Variants in CACNA1E observed in about 807,000 individuals in gnomAD.
The protein encoded by CACNA1E is calcium voltage-gated channel subunit alpha1 E.
Under a neutral mutation model 259.2 loss-of-function variants are expected in CACNA1E, and 40 were observed. The observed-to-expected ratio is 0.15, with a 90% CI of 0.12 to 0.20. CACNA1E has a LOEUF of 0.20. Among genes scored for constraint, CACNA1E ranks in the 10% least tolerant of loss-of-function variants. CACNA1E has a pLI of 1.00. For synonymous variants in CACNA1E, 1,104 were observed against 1,138.5 expected (o/e 0.97, Z 0.61); for missense variants, 1,874 against 3,040.1 (o/e 0.62, Z 9.02).
At chr1:181,439,628 T>A (rs1270206339) in intron 2 of CACNA1E, among the ~76,000 whole-genome samples, 3 of 152,204 alleles carry the variant, frequency 2.0e-5, no homozygotes, top group Non-Finnish European at 2.9e-5. Context: ...ACGGTGTTTG[T>A]AGTCTTTTTG....
At chr1:181,710,741 C>A (rs1470497185) in intron 7 of CACNA1E, among the ~76,000 whole-genome samples, 2 of 152,182 alleles carry the variant, frequency 1.3e-5, no homozygotes, top group Non-Finnish European at 2.9e-5. Context: ...TGGAATGCAG[C>A]TAGTCTGGGA....
intron 3 of CACNA1E, among the ~76,000 whole-genome samples, chr1:181,562,561 A>G (rs10910959): frequency 0.075 from 11,396 of 152,160 alleles, 1,020 homozygotes; most frequent in African/African-American, 0.21. Flanking sequence ...TATTTTCATA[A>G]AATCTTAACT....
chr1:181,696,840 T>G (rs926096189), intron 7 of CACNA1E, among the ~76,000 whole-genome samples: 6 of 152,224 alleles, frequency 3.9e-5, no homozygotes, highest in Non-Finnish European at 4.4e-5. Context: ...CGTGATTACT[T>G]GCAAAAGAAT....
intron 7 of CACNA1E, among the ~76,000 whole-genome samples, chr1:181,660,681 C>A (rs949093329): frequency 6.6e-6 from 1 of 152,102 alleles, no homozygotes; most frequent in Non-Finnish European, 1.5e-5. Context: ...GGCTGCTGGT[C>A]TTAAGAAGGA....
chr1:181,440,635 C>A (rs1415055129), intron 2 of CACNA1E, among the ~76,000 whole-genome samples: 2 of 152,114 alleles, frequency 1.3e-5, no homozygotes, highest in African/African-American at 2.4e-5. Flanking sequence ...ATGCTCTCAA[C>A]AGAGGATGCC....
At position 181,320,163 on chromosome 1, in the gene CACNA1E, C is replaced by T. The variant is rs74891807; in HGVS notation, c.-15+2040C>T. On this transcript the variant is annotated intron_variant, in intron 1 of 11. Transcript: ENST00000524607. ...TCACATGGTTGAGCTATCGGATCAT[C>T]GCTGTCACAGCGCCTCCACTCCTTG... is the stretch of plus-strand genomic sequence containing the variant. Among the ~76,000 whole-genome samples, 1,481 of 152,290 alleles carry T rather than the reference C, an allele frequency of 9.7e-3. 9 individuals are homozygous for T. Among genetic ancestry groups the T allele is most frequent in the Non-Finnish European group, 0.016 (1,112 of 68,022 alleles).
chr1:181,637,873 T>C (rs1485293923), intron 6 of CACNA1E, among the ~76,000 whole-genome samples: 2 of 152,100 alleles, frequency 1.3e-5, no homozygotes, highest in Admixed American at 1.3e-4. Flanking sequence ...TTATAGGCAG[T>C]GGGGACAACA....
At chr1:181,779,461 G>A (rs774886313) in intron 38 of CACNA1E, 5 of 453,356 alleles carry the variant, frequency 1.1e-5, no homozygotes, top group African/African-American at 2.0e-5. Flanking sequence ...TCCCGTATAA[G>A]GATATGTACA....
intron 1 of CACNA1E, among the ~76,000 whole-genome samples, chr1:181,488,108 G>A (rs1664005618): frequency 6.6e-6 from 1 of 152,198 alleles, no homozygotes; most frequent in African/African-American, 2.4e-5. Context: ...ATCTCCCATT[G>A]TAAAATGTCC....
chr1:181,414,680 A>C lies in CACNA1E; in HGVS notation c.434+1100A>C, dbSNP rs143731807. On this transcript the variant is annotated intron_variant, in intron 2 of 11. Transcript: ENST00000524607. The stretch of plus-strand genomic sequence containing the variant: ...ACCTTACATATATCCACTCATGTTA[A>C]TCTTCACCATAACTATGAGGTAGGT... Among the ~76,000 whole-genome samples, 20 of 152,330 alleles carry C rather than the reference A, an allele frequency of 1.3e-4. No individual in the cohort carries two copies. The East Asian group carries it at 3.7e-3, about 28-fold the overall frequency.
intron 7 of CACNA1E, among the ~76,000 whole-genome samples, chr1:181,654,160 A>G (rs7542103): frequency 0.028 from 4,243 of 151,958 alleles, 93 homozygotes; most frequent in Non-Finnish European, 0.046. Flanking sequence ...TAAATTAAAA[A>G]AAAAAACATT....
At chr1:181,575,858 G>T (rs1650917464) in intron 3 of CACNA1E, among the ~76,000 whole-genome samples, 1 of 152,018 alleles carries the variant, frequency 6.6e-6, no homozygotes, top group South Asian at 2.1e-4. Flanking sequence ...CTTTTTTGTG[G>T]TTCTCTATCT....
intron 3 of CACNA1E, among the ~76,000 whole-genome samples, chr1:181,545,553 T>A (rs1052487295): frequency 6.6e-5 from 10 of 152,076 alleles, no homozygotes; most frequent in African/African-American, 2.4e-4. Context: ...GGGTGTGGTC[T>A]TGACTACTCC....
At chr1:181,599,791 A>T (rs191931937) in intron 6 of CACNA1E, among the ~76,000 whole-genome samples, 81 of 152,376 alleles carry the variant, frequency 5.3e-4, no homozygotes, top group Non-Finnish European at 1.1e-3. Context: ...CAGTGAAAAC[A>T]CAAAGCCTAT....
intron 2 of CACNA1E, among the ~76,000 whole-genome samples, chr1:181,429,541 A>G (rs1411990243): frequency 6.6e-6 from 1 of 152,206 alleles, no homozygotes; most frequent in Non-Finnish European, 1.5e-5. Context: ...CTGAAAAGTC[A>G]TTTGAATTAG....
At chr1:181,427,834 T>A (rs1659415030) in intron 2 of CACNA1E, among the ~76,000 whole-genome samples, 1 of 146,502 alleles carries the variant, frequency 6.8e-6, no homozygotes, top group Admixed American at 6.8e-5. Flanking sequence ...CATGAAATTA[T>A]ATTACACATA....
intron 34 of CACNA1E, among the ~76,000 whole-genome samples, chr1:181,765,307 A>G (rs1658926195): frequency 6.6e-6 from 1 of 152,172 alleles, no homozygotes; most frequent in Non-Finnish European, 1.5e-5. Context: ...GGGAGTAGGG[A>G]GAGATAAACT....
At chr1:181,634,900 C>T (rs1171861811) in intron 6 of CACNA1E, among the ~76,000 whole-genome samples, 1 of 152,226 alleles carries the variant, frequency 6.6e-6, no homozygotes, top group Non-Finnish European at 1.5e-5. Context: ...GCTTCTAACC[C>T]TGCCTCTACG....
At chr1:181,695,848 G>A (rs1478955119) in intron 7 of CACNA1E, among the ~76,000 whole-genome samples, 2 of 152,096 alleles carry the variant, frequency 1.3e-5, no homozygotes, top group South Asian at 2.1e-4. Flanking sequence ...CCAGCTACTC[G>A]GGAGGCTGAG....
Sources: allele counts gnomAD v4.1 joint callset (sites outside exome capture counted in the v4.1 genomes callset), GRCh38; gene constraint gnomAD v4.1.1; transcripts MANE v1.5; gene names NCBI Gene and HGNC (gene_info 2026-07-23, HGNC 2026-07-21).